The following SLC9B1 variants were observed in gnomAD, a reference collection of about 807,000 sequenced individuals.
The protein encoded by SLC9B1 is solute carrier family 9 member B1, also known as sodium/hydrogen exchanger 9B1.
In SLC9B1, 32 loss-of-function variants were observed where a neutral mutation model predicts 51.7. The ratio of observed to expected loss-of-function variants is 0.62; its 90% CI spans 0.47 to 0.83. The LOEUF (loss-of-function observed/expected upper bound fraction) is 0.83, where lower values mean the gene tolerates loss of function less well. SLC9B1 is among the 40% of genes least tolerant of loss of function. SLC9B1 has a pLI of 0.00. For missense variants in SLC9B1, 406 were observed against 613.2 expected (o/e 0.66, Z 3.57); for synonymous variants, 145 against 212.7 (o/e 0.68, Z 2.77).
At chr4:102,997,431 A>G (rs1703272899) in intron 1 of SLC9B1, among the ~76,000 whole-genome samples, 2 of 152,082 alleles carry the variant, frequency 1.3e-5, no homozygotes, top group African/African-American at 4.8e-5. Flanking sequence ...TGTTTTTTGG[A>G]TGGTTATAAA....
chr4:102,965,962 C>G (rs1560956439), intron 3 of SLC9B1, among the ~76,000 whole-genome samples: 1 of 152,210 alleles, frequency 6.6e-6, no homozygotes, highest in Non-Finnish European at 1.5e-5. Context: ...AATAATTCTC[C>G]ACTCCACGTG....
chr4:102,980,763 C>T (rs1406966537), intron 3 of SLC9B1, among the ~76,000 whole-genome samples: 4 of 152,038 alleles, frequency 2.6e-5, no homozygotes, highest in African/African-American at 9.7e-5. Flanking sequence ...AAAAAAATCC[C>T]GGCTCCCACA....
At chr4:102,931,174 C>T (rs1254227593) in intron 7 of SLC9B1, among the ~76,000 whole-genome samples, 1 of 149,318 alleles carries the variant, frequency 6.7e-6, no homozygotes, top group Non-Finnish European at 1.5e-5. Context: ...TGCAGTGAGC[C>T]GAGATTGTGC....
At chr4:102,891,618 A>G (rs1355023093) in intron 11 of SLC9B1, 1 of 152,234 alleles carries the variant, frequency 6.6e-6, no homozygotes, top group Non-Finnish European at 1.5e-5. Context: ...TGGAAAATTT[A>G]TATGTAAAAT....
chr4:102,888,766 C>T (rs992035286), intron 11 of SLC9B1: 6 of 152,326 alleles, frequency 3.9e-5, no homozygotes, highest in East Asian at 3.9e-4. Flanking sequence ...CCTAGTGCTC[C>T]GCCTCTGCTG....
chr4:102,900,135 A>G (rs1305782791), downstream of SLC9B1, among the ~76,000 whole-genome samples: 2 of 152,258 alleles, frequency 1.3e-5, no homozygotes, highest in Non-Finnish European at 2.9e-5. Context: ...GAATGAAAGT[A>G]ATATTCAGTC....
intron 1 of SLC9B1, among the ~76,000 whole-genome samples, chr4:103,002,328 G>GGCAGTCT (rs1740568112): frequency 6.6e-6 from 1 of 152,154 alleles, no homozygotes; most frequent in African/African-American, 2.4e-5. Context: ...GAGCCCATCA[G>GGCAGTCT]GCAGTCTGAC....
intron 6 of SLC9B1, among the ~76,000 whole-genome samples, chr4:102,937,251 C>T (rs909494487): frequency 2.8e-4 from 43 of 151,502 alleles, no homozygotes; most frequent in African/African-American, 9.9e-4. Context: ...TACAGGTGCG[C>T]ACCACAACAC....
chr4:102,951,429 T>C (rs1262884623), intron 3 of SLC9B1, among the ~76,000 whole-genome samples: 1 of 152,084 alleles, frequency 6.6e-6, no homozygotes, highest in Non-Finnish European at 1.5e-5. Context: ...CTGAAAACCT[T>C]AGCTAATAGA....
rs368189368 is a variant in SLC9B1 at position 102,960,960 on chromosome 4, G to A, written c.212-11533C>T. 1.0e-3 allele frequency among the ~76,000 whole-genome samples: 156 copies of A among 151,950 alleles called. 1 individual carries two copies. Among genetic ancestry groups the A allele is most frequent in the African/African-American group, 3.7e-3 (152 of 41,444 alleles). On this transcript the variant is annotated intron_variant, in intron 3 of 11. Transcript: ENST00000296422. The stretch of plus-strand genomic sequence containing the variant: ...TTGGTCAGGCTGCTCTTGAACTCCC[G>A]ACCTCAGGTGATCCGCCCGCCTCAG...
intron 8 of SLC9B1, 40 bp from the exon 9 acceptor site, chr4:102,910,628 A>G: frequency 2.2e-6 from 2 of 908,062 alleles, no homozygotes; most frequent in Non-Finnish European, 3.0e-6. Context: ...TTTATATTAA[A>G]TATATAATAT....
intron 1 of SLC9B1, among the ~76,000 whole-genome samples, chr4:103,006,275 A>T (rs987737168): frequency 1.3e-5 from 2 of 152,100 alleles, no homozygotes; most frequent in Non-Finnish European, 2.9e-5. Flanking sequence ...ACAAAGAAAA[A>T]AAGAGAGAAC....
chr4:102,993,327 C>A (rs1740046254), intron 1 of SLC9B1, among the ~76,000 whole-genome samples: 1 of 152,188 alleles, frequency 6.6e-6, no homozygotes, highest in South Asian at 2.1e-4. Context: ...CTACAGACCC[C>A]ATGCAAGTCC....
At chr4:102,981,242 C>T (rs931560169) in intron 3 of SLC9B1, among the ~76,000 whole-genome samples, 3 of 152,098 alleles carry the variant, frequency 2.0e-5, no homozygotes, top group African/African-American at 7.2e-5. Context: ...TTTATTCACT[C>T]ACCTAATGAA....
chr4:103,012,656 A>G (rs1450863407), intron 1 of SLC9B1, among the ~76,000 whole-genome samples: 1 of 152,242 alleles, frequency 6.6e-6, no homozygotes, highest in Non-Finnish European at 1.5e-5. Context: ...ATGCCAAAAT[A>G]CTTGAGACTG....
At chr4:102,950,674 G>C (rs553817815) in intron 3 of SLC9B1, among the ~76,000 whole-genome samples, 1 of 152,230 alleles carries the variant, frequency 6.6e-6, no homozygotes, top group African/African-American at 2.4e-5. Flanking sequence ...AAAACTGGAA[G>C]CCTTGGAGGG....
At chr4:102,943,506 T>TACACACAC (rs373442152) in intron 6 of SLC9B1, among the ~76,000 whole-genome samples, 4,833 of 145,518 alleles carry the variant, frequency 0.033, 191 homozygotes, top group African/African-American at 0.095. Flanking sequence ...TGTGTATGTA[T>TACACACAC]ACACACACAC....
At chr4:103,017,589 T>C (rs1240347038) in intron 1 of SLC9B1, among the ~76,000 whole-genome samples, 2 of 152,128 alleles carry the variant, frequency 1.3e-5, no homozygotes, top group Non-Finnish European at 2.9e-5. Context: ...GCAATTGGAG[T>C]TGCCTTTACC....
At chr4:103,006,898 G>A (rs1172677436) in intron 1 of SLC9B1, among the ~76,000 whole-genome samples, 3 of 152,092 alleles carry the variant, frequency 2.0e-5, no homozygotes, top group African/African-American at 7.2e-5. Context: ...TAATAATCTC[G>A]ATACAGAAAT....
Sources: allele counts gnomAD v4.1 joint callset (sites outside exome capture counted in the v4.1 genomes callset), GRCh38; gene constraint gnomAD v4.1.1; transcripts MANE v1.5; gene names NCBI Gene and HGNC (gene_info 2026-07-23, HGNC 2026-07-21).